F13A1: variants seen among roughly 807,000 people sequenced by gnomAD.
F13A1 encodes the protein coagulation factor XIII A chain, also known as FSF, A subunit.
F13A1 carries 47 observed loss-of-function variants against 80.1 expected under a neutral mutation model. That is an observed-to-expected ratio of 0.59 (90% confidence interval 0.46 to 0.75). The LOEUF (loss-of-function observed/expected upper bound fraction) is 0.75, where lower values mean the gene tolerates loss of function less well. Among genes scored for constraint, F13A1 ranks in the 30% least tolerant of loss-of-function variants. F13A1 has a pLI of 0.00. For synonymous variants in F13A1, 349 were observed against 344.9 expected, an observed-to-expected ratio of 1.01 and a Z score of -0.13; for missense variants, 817 against 930.4, an observed-to-expected ratio of 0.88 and a Z score of 1.59.
At chr6:6,195,732 CT>C (rs1415438060) in intron 10 of F13A1, 64 bp downstream of exon 10, 5 of 1,454,668 alleles carry the variant, frequency 3.4e-6, no homozygotes, top group Admixed American at 1.8e-5. Context: ...CAACTTTTAG[CT>C]TACTCTTTCA....
intron 3 of F13A1, among the ~76,000 whole-genome samples, chr6:6,303,760 A>T (rs754430219): frequency 6.6e-6 from 1 of 152,160 alleles, no homozygotes; most frequent in Non-Finnish European, 1.5e-5. Flanking sequence ...CATGTTTTTT[A>T]TTAAGATTTA....
rs1418378512 is a variant in F13A1 at position 6,213,735 on chromosome 6, A to G, written c.1112+8298T>C. On this transcript the variant is annotated intron_variant, in intron 8 of 14. Transcript: ENST00000264870. ...TCCAATTAAAAGACACAGACTGGCAAATTGGATAAAGAGTCAAGACCCTTC... is the reference window on the plus strand; with the variant it reads ...TCCAATTAAAAGACACAGACTGGCAGATTGGATAAAGAGTCAAGACCCTTC... Among the ~76,000 whole-genome samples the G allele has an allele frequency of 6.0e-5, 9 of 150,470 alleles. No individual in the cohort carries two copies. The East Asian group carries it at 1.8e-3, about 30-fold the overall frequency.
Position 6,145,654 on chromosome 6 carries a change from G to T in F13A1, c.2164C>A (p.Leu722Met). The change falls in exon 15 of 15, where the codon CTG becomes ATG. Residue 722 changes from leucine (L) to methionine (M), a missense_variant. Transcript: ENST00000264870. Reference protein sequence around the residue: ...SDSLRHVYGELDVQIQRRPSM With the variant: ...SDSLRHVYGEMDVQIQRRPSM Reference sequence around the variant, plus strand: ...GGTCGTCTTTGAATCTGCACGTCCAGCTCGCCATACACATGTCTCAGGGAG... The same window carrying T: ...GGTCGTCTTTGAATCTGCACGTCCATCTCGCCATACACATGTCTCAGGGAG... 6.2e-7 allele frequency: 1 copy of T among 1,614,156 alleles called. No individual in the cohort carries two copies. Among genetic ancestry groups the T allele is most frequent in the Non-Finnish European group, 8.5e-7 (1 of 1,180,010 alleles).
chr6:6,192,903 G>A (rs1161299241), intron 10 of F13A1, among the ~76,000 whole-genome samples: 1 of 152,136 alleles, frequency 6.6e-6, no homozygotes, highest in Admixed American at 6.5e-5. Context: ...AGTTATCTTT[G>A]GCAAGAAGGA....
chr6:6,253,417 G>A lies in F13A1; in HGVS notation c.572-2488C>T, dbSNP rs183320929. ...GCAAGTAGGGGTCTAAAATATGACT[G>A]CGCAGCTGAGCATGTGATCATACAA... On this transcript the variant is annotated intron_variant, in intron 4 of 14. Transcript: ENST00000264870. Among the ~76,000 whole-genome samples the A allele has an allele frequency of 7.3e-3, 1,115 of 152,286 alleles. 8 individuals are homozygous for A. Among genetic ancestry groups the A allele is most frequent in the African/African-American group, 0.026 (1,061 of 41,544 alleles).
intron 3 of F13A1, among the ~76,000 whole-genome samples, chr6:6,278,972 T>C (rs148599072): frequency 1.2e-3 from 183 of 152,296 alleles, no homozygotes; most frequent in Non-Finnish European, 2.1e-3. Context: ...ATTCCCCCTT[T>C]GCTTGTTGGT....
chr6:6,242,664 A>G (rs996898199), intron 6 of F13A1, among the ~76,000 whole-genome samples: 1 of 152,186 alleles, frequency 6.6e-6, no homozygotes, highest in African/African-American at 2.4e-5. Context: ...TGTCAACCTT[A>G]GTTTTCTGAA....
chr6:6,265,563 A>G (rs1200824057), intron 4 of F13A1, among the ~76,000 whole-genome samples: 1 of 152,186 alleles, frequency 6.6e-6, no homozygotes, highest in African/African-American at 2.4e-5. Context: ...ATTGAACTTG[A>G]CTGAGTTTTA....
chr6:6,301,214 T>C (rs1561684416), intron 3 of F13A1, among the ~76,000 whole-genome samples: 1 of 152,228 alleles, frequency 6.6e-6, no homozygotes, highest in Non-Finnish European at 1.5e-5. Context: ...CTTCCTGTCT[T>C]ACAACTATGG....
At chr6:6,302,534 C>A (rs1237368174) in intron 3 of F13A1, among the ~76,000 whole-genome samples, 1 of 151,764 alleles carries the variant, frequency 6.6e-6, no homozygotes, top group Admixed American at 6.6e-5. Flanking sequence ...AGTAAAAATA[C>A]AATATAAAAA....
chr6:6,260,120 G>T (rs1366050166), intron 4 of F13A1, among the ~76,000 whole-genome samples: 1 of 152,174 alleles, frequency 6.6e-6, no homozygotes, highest in Non-Finnish European at 1.5e-5. Flanking sequence ...TCCCAGAATG[G>T]ACCCGAAGCC....
At chr6:6,201,121 C>T (rs1366506693) in intron 8 of F13A1, among the ~76,000 whole-genome samples, 3 of 152,172 alleles carry the variant, frequency 2.0e-5, no homozygotes, top group Non-Finnish European at 4.4e-5. Context: ...TAATAGGCTC[C>T]AGAATAGCCT....
intron 2 of F13A1, among the ~76,000 whole-genome samples, chr6:6,316,553 T>C (rs1758689058): frequency 6.6e-6 from 1 of 152,178 alleles, no homozygotes; most frequent in Admixed American, 6.5e-5. Flanking sequence ...TTTTTCTTAA[T>C]TGGCCTACCT....
intron 8 of F13A1, among the ~76,000 whole-genome samples, chr6:6,204,829 A>ATTGT (rs1473700793): frequency 6.6e-6 from 1 of 152,252 alleles, no homozygotes; most frequent in Non-Finnish European, 1.5e-5. Flanking sequence ...ACAGCTATTC[A>ATTGT]TTGTTTGAGC....
At chr6:6,309,348 C>T (rs1452128628) in intron 2 of F13A1, among the ~76,000 whole-genome samples, 2 of 152,084 alleles carry the variant, frequency 1.3e-5, no homozygotes, top group Non-Finnish European at 2.9e-5. Context: ...AGCCCCTAAC[C>T]CACATTTAGG....
At chr6:6,155,269 T>C (rs982407349) in intron 13 of F13A1, among the ~76,000 whole-genome samples, 6 of 152,336 alleles carry the variant, frequency 3.9e-5, no homozygotes, top group East Asian at 1.9e-4. Context: ...AACTGGCCCA[T>C]GCAATTGGGC....
At chr6:6,163,360 G>A (rs1202695952) in intron 13 of F13A1, among the ~76,000 whole-genome samples, 1 of 152,142 alleles carries the variant, frequency 6.6e-6, no homozygotes, top group Non-Finnish European at 1.5e-5. Context: ...TTTAAGTTCA[G>A]GGGTACATGT....
intron 6 of F13A1, among the ~76,000 whole-genome samples, chr6:6,226,678 C>G (rs1293756912): frequency 6.6e-6 from 1 of 152,182 alleles, no homozygotes; most frequent in African/African-American, 2.4e-5. Context: ...AAATCTCCGT[C>G]TTTCTGAGTT....
At chr6:6,238,866 G>T (rs1423229010) in intron 6 of F13A1, among the ~76,000 whole-genome samples, 6 of 152,090 alleles carry the variant, frequency 3.9e-5, no homozygotes, top group Non-Finnish European at 8.8e-5. Flanking sequence ...TCAAGAATAG[G>T]TGAAGCTGTG....
Sources: allele counts gnomAD v4.1 joint callset (sites outside exome capture counted in the v4.1 genomes callset), GRCh38; gene constraint gnomAD v4.1.1; transcripts MANE v1.5; gene names NCBI Gene and HGNC (gene_info 2026-07-23, HGNC 2026-07-21).